The following MYOF variants were observed in gnomAD, a reference collection of about 807,000 sequenced individuals.
MYOF encodes the protein myoferlin.
In MYOF, 244 loss-of-function variants were observed where a neutral mutation model predicts 284.2. That is an observed-to-expected ratio of 0.86 (90% CI 0.77 to 0.95). The LOEUF (loss-of-function observed/expected upper bound fraction) is 0.95. Among genes scored for constraint, MYOF ranks in the 40% least tolerant of loss-of-function variants. MYOF has a pLI of 0.00. For missense variants in MYOF, 2,496 were observed against 2,560.6 expected, an observed-to-expected ratio of 0.97 and a Z score of 0.54; for synonymous variants, 904 against 919.7, an observed-to-expected ratio of 0.98 and a Z score of 0.31.
chr10:93,343,718 TAC>T, intron 38 of MYOF, 136 bp downstream of exon 38: 1 of 822,270 alleles, frequency 1.2e-6, no homozygotes, highest in Non-Finnish European at 2.0e-6. Context: ...CTCTTGTCTG[TAC>T]TCAGTCCTCA....
At chr10:93,398,476 G>A (rs1847126201) in intron 13 of MYOF, among the ~76,000 whole-genome samples, 1 of 152,120 alleles carries the variant, frequency 6.6e-6, no homozygotes, top group South Asian at 2.1e-4. Context: ...CTATATCCCA[G>A]CACATGGGAC....
chr10:93,323,284 G>A lies in MYOF; in HGVS notation c.5346C>T (p.Pro1782=). 6.2e-7 allele frequency: 1 copy of A among 1,614,124 alleles called. No individual in the cohort carries two copies. The highest frequency in any genetic ancestry group is 8.5e-7 in the Non-Finnish European group (1 of 1,179,966). Residue 1782 remains proline (P), a synonymous_variant, in exon 47 of 54, where the codon CCC becomes CCT. Transcript: ENST00000359263. The part of the protein sequence containing the change: ...GPPGPPFNIT[P]RKAKKYYLRV... ...GACTGACTTACTTCTTGGCTTTCCG[G>A]GGTGTGATGTTGAAAGGAGGGCCTG...
intron 1 of MYOF, among the ~76,000 whole-genome samples, chr10:93,474,931 T>C (rs2057227554): frequency 6.6e-6 from 1 of 152,118 alleles, no homozygotes; most frequent in Admixed American, 6.5e-5. Context: ...GTATTTTTAG[T>C]AGAGACAGGG....
chr10:93,359,629 G>A (rs1749216477), intron 29 of MYOF, among the ~76,000 whole-genome samples: 1 of 152,232 alleles, frequency 6.6e-6, no homozygotes, highest in Non-Finnish European at 1.5e-5. Context: ...TTCTAAATCA[G>A]GAGGTTTGGG....
chr10:93,337,955 G>A (rs920904578), intron 39 of MYOF, 42 bp from the exon 40 acceptor site: 3 of 1,430,432 alleles, frequency 2.1e-6, no homozygotes, highest in African/African-American at 2.8e-5. Context: ...GTGATGTCCT[G>A]GATTTCCAAT....
At chr10:93,324,072 T>C (rs961663795) in intron 46 of MYOF, among the ~76,000 whole-genome samples, 2 of 152,178 alleles carry the variant, frequency 1.3e-5, no homozygotes, top group African/African-American at 4.8e-5. Flanking sequence ...AGACTGACAT[T>C]TGTGCTCCAT....
chr10:93,333,814 C>A lies in MYOF; in HGVS notation c.4663G>T (p.Val1555Phe). Reference sequence around the variant, plus strand: ...AAGCCTCGAACAATGTAAATCCTAACCGTGCATTCCTGTGGGACGCTGTCA... The same window carrying A: ...AAGCCTCGAACAATGTAAATCCTAAACGTGCATTCCTGTGGGACGCTGTCA... ...LPDSVPQECT[V>F]RIYIVRGLEL... The change falls in exon 42 of 54, where the codon GTT (valine) becomes TTT (phenylalanine). Residue 1555 changes from valine (V) to phenylalanine (F), a missense_variant. Transcript: ENST00000359263. 1 of 1,614,154 alleles carries A rather than the reference C, an allele frequency of 6.2e-7. No homozygotes were observed. Among genetic ancestry groups the A allele is most frequent in the East Asian group, 2.2e-5 (1 of 44,880 alleles).
intron 38 of MYOF, among the ~76,000 whole-genome samples, chr10:93,343,446 T>C (rs74921830): frequency 0.051 from 7,840 of 152,328 alleles, 306 homozygotes; most frequent in Middle Eastern, 0.082. Flanking sequence ...GTTGCAATGC[T>C]ATAAATTTGC....
At chr10:93,354,666 A>ACTCTCTCTCTCTCTCTCTCTCT (rs140255016) in intron 31 of MYOF, among the ~76,000 whole-genome samples, 2,570 of 118,666 alleles carry the variant, frequency 0.022, 133 homozygotes, top group Non-Finnish European at 0.033. Flanking sequence ...TCACACATTC[A>ACTCTCTCTCTCTCTCTCTCTCT]CTCTCTCTCT....
At position 93,337,918 on chromosome 10, in the gene MYOF, A is replaced by T. The variant is rs79285543; in HGVS notation, c.4339-5T>A. On this transcript the variant is annotated splice_region_variant and splice_polypyrimidine_tract_variant and intron_variant, in intron 39 of 53. Coordinates refer to ENST00000359263, the MANE Select transcript of MYOF (RefSeq NM_013451.4). ...CCAGTCCACGATTTCTTCCTCCTAA[A>T]GACATGCCAAAATGGAAAAATCTTT... is the stretch of plus-strand genomic sequence containing the variant. The T allele has an allele frequency of 2.0e-3, 3,152 of 1,608,914 alleles. 44 individuals are homozygous for T. In the East Asian group the frequency reaches 0.032, roughly 17 times the overall value.
At chr10:93,465,527 T>TTA (rs1371062685) in intron 1 of MYOF, among the ~76,000 whole-genome samples, 3 of 80,936 alleles carry the variant, frequency 3.7e-5, no homozygotes, top group Non-Finnish European at 7.9e-5. Context: ...TTTCTTTCTT[T>TTA]TTTTTCTTTT....
rs1409997479 is a variant in MYOF, at chr10:93,340,317, A to G, written c.4327-153T>C. 18 of 732,898 alleles carry G rather than the reference A, an allele frequency of 2.5e-5. No homozygotes were observed. The Admixed American group carries it at 4.8e-4, about 19-fold the overall frequency. 45.4% of individuals were successfully genotyped at this position (732,898 alleles called of 1,614,324 possible). ...TATCAACATTTCAATGGGCTAAATT[A>G]TTTAAAATTTTCTAAGTCAGGATGA... On this transcript the variant is annotated intron_variant, in intron 38 of 53. Transcript: ENST00000359263.
intron 29 of MYOF, among the ~76,000 whole-genome samples, chr10:93,359,614 A>G (rs992878495): frequency 3.9e-5 from 6 of 152,230 alleles, no homozygotes; most frequent in Admixed American, 6.5e-5. Flanking sequence ...GCCTGCCCCC[A>G]GGATTTCTAA....
chr10:93,463,334 C>T (rs1263995991), intron 1 of MYOF, among the ~76,000 whole-genome samples: 1 of 150,594 alleles, frequency 6.6e-6, no homozygotes, highest in East Asian at 2.0e-4. Flanking sequence ...GCCAGAGGAT[C>T]GCTTGAGTCC....
intron 7 of MYOF, among the ~76,000 whole-genome samples, chr10:93,406,330 T>C (rs912916419): frequency 3.5e-4 from 27 of 76,696 alleles, no homozygotes; most frequent in African/African-American, 8.1e-4. Context: ...GTTTTTATCA[T>C]CTTACTTTTG....
In MYOF at chr10:93,442,653, T is replaced by C. The variant is rs556219375; in HGVS notation, c.236+9397A>G. 4.6e-5 allele frequency among the ~76,000 whole-genome samples: 7 copies of C among 152,330 alleles called. No homozygotes were observed. The South Asian group carries it at 1.4e-3, about 32-fold the overall frequency. Reference sequence around the variant, plus strand: ...TGTTCTGCATTGGTGTGGAAGTATATATAATGGTGGTTTTGCATGCACAAG... The same window carrying C: ...TGTTCTGCATTGGTGTGGAAGTATACATAATGGTGGTTTTGCATGCACAAG... On this transcript the variant is annotated intron_variant, in intron 3 of 53. Transcript: ENST00000359263.
chr10:93,316,379 G>C (rs1309885738), intron 50 of MYOF, among the ~76,000 whole-genome samples: 1 of 152,022 alleles, frequency 6.6e-6, no homozygotes, highest in Non-Finnish European at 1.5e-5. Flanking sequence ...GGTTGAGGAG[G>C]GTAGGAGCTG....
Position 93,316,697 on chromosome 10 carries a change from C to T in MYOF, c.5698+17G>A, listed in dbSNP as rs773536424. On this transcript the variant is annotated intron_variant, in intron 50 of 53. Coordinates refer to ENST00000359263, the MANE Select transcript of MYOF (RefSeq NM_013451.4). Reference sequence around the variant, plus strand: ...AGTACAGTTTCTTAGAAACAATGATCCAAATGTAAGCCCTACCCAAGTAGT... The same window carrying T: ...AGTACAGTTTCTTAGAAACAATGATTCAAATGTAAGCCCTACCCAAGTAGT... 4.4e-6 allele frequency: 7 copies of T among 1,581,904 alleles called. No individual in the cohort carries two copies. The South Asian group carries it at 6.7e-5, about 15-fold the overall frequency.
At chr10:93,367,828 A>G (rs377204559) in intron 25 of MYOF, among the ~76,000 whole-genome samples, 66 of 151,702 alleles carry the variant, frequency 4.4e-4, no homozygotes, top group Non-Finnish European at 6.3e-4. Flanking sequence ...GTGGGGGGGA[A>G]TTTTGTAGAA....
Sources: allele counts gnomAD v4.1 joint callset (sites outside exome capture counted in the v4.1 genomes callset), GRCh38; gene constraint gnomAD v4.1.1; transcripts MANE v1.5; gene names NCBI Gene and HGNC (gene_info 2026-07-23, HGNC 2026-07-21).